Variants in CHCHD3 observed in about 807,000 individuals in gnomAD.
CHCHD3 encodes coiled-coil-helix-coiled-coil-helix domain containing 3, also known as MICOS complex subunit MIC19.
CHCHD3 carries 20 observed loss-of-function variants against 38.2 expected under a neutral mutation model. The ratio of observed to expected loss-of-function variants is 0.52; its 90% CI spans 0.37 to 0.76. The LOEUF (loss-of-function observed/expected upper bound fraction) is 0.76. Ranked by LOEUF, CHCHD3 falls within the 30% of genes least tolerant of loss-of-function variation. The pLI, the probability that CHCHD3 is intolerant of heterozygous loss-of-function variation, is 0.00. For synonymous variants in CHCHD3, 82 were observed against 100.0 expected (o/e 0.82, Z 1.07); for missense variants, 245 against 279.2 (o/e 0.88, Z 0.87).
Position 132,843,953 on chromosome 7 carries a change from A to G in CHCHD3, c.454-5484T>C, listed in dbSNP as rs373972830. ...AAATTTGTTAAGAGTAATTACTTAC[A>G]GTATATGGAATGGGGAAGAAATCCA... is the stretch of plus-strand genomic sequence containing the variant. On this transcript the variant is annotated intron_variant, in intron 5 of 7. Coordinates refer to ENST00000262570, the MANE Select transcript of CHCHD3 (RefSeq NM_017812.4). Among the ~76,000 whole-genome samples, 7 of 152,344 alleles carry G rather than the reference A, an allele frequency of 4.6e-5. No homozygotes were observed. The South Asian group carries it at 6.2e-4, about 14-fold the overall frequency.
At chr7:132,799,064 GA>G (rs1403444552) in intron 6 of CHCHD3, among the ~76,000 whole-genome samples, 1 of 149,432 alleles carries the variant, frequency 6.7e-6, no homozygotes, top group Non-Finnish European at 1.5e-5. Flanking sequence ...GTCATCCTCT[GA>G]AATTCTTTTT....
chr7:133,011,241 G>C (rs1812862772), intron 3 of CHCHD3, among the ~76,000 whole-genome samples: 1 of 152,198 alleles, frequency 6.6e-6, no homozygotes, highest in Non-Finnish European at 1.5e-5. Flanking sequence ...AAAAGGACTT[G>C]GACTTTATGC....
At chr7:132,889,321 G>T (rs534906046) in intron 4 of CHCHD3, among the ~76,000 whole-genome samples, 22 of 152,040 alleles carry the variant, frequency 1.4e-4, no homozygotes, top group African/African-American at 5.3e-4. Context: ...CACAAAGTGA[G>T]ATTTTTTAAA....
chr7:132,921,890 T>A (rs1477840273), intron 4 of CHCHD3, among the ~76,000 whole-genome samples: 1 of 152,208 alleles, frequency 6.6e-6, no homozygotes, highest in Non-Finnish European at 1.5e-5. Context: ...TCAGAGGACT[T>A]GAGAAATCCT....
chr7:132,899,816 T>A (rs1809618573), intron 4 of CHCHD3, among the ~76,000 whole-genome samples: 2 of 152,204 alleles, frequency 1.3e-5, no homozygotes, highest in Non-Finnish European at 2.9e-5. Flanking sequence ...ATAGGCTAAA[T>A]AATATCTAAG....
At chr7:133,007,729 T>C (rs1812738859) in intron 3 of CHCHD3, among the ~76,000 whole-genome samples, 3 of 152,174 alleles carry the variant, frequency 2.0e-5, no homozygotes, top group Admixed American at 2.0e-4. Context: ...ACTTTCTGAT[T>C]TTTAGCTTCC....
chr7:132,998,932 G>A (rs558233016), intron 3 of CHCHD3, among the ~76,000 whole-genome samples: 26 of 152,258 alleles, frequency 1.7e-4, no homozygotes, highest in African/African-American at 5.5e-4. Flanking sequence ...TGACAAATCA[G>A]TTAACTAATA....
chr7:132,885,555 T>G (rs1366335004), intron 5 of CHCHD3, 107 bp downstream of exon 5: 2 of 887,944 alleles, frequency 2.3e-6, no homozygotes, highest in African/African-American at 1.8e-5. Flanking sequence ...TCCTGGCCAC[T>G]TTACAACCAG....
At chr7:132,875,506 T>TC (rs1808873394) in intron 5 of CHCHD3, among the ~76,000 whole-genome samples, 1 of 152,176 alleles carries the variant, frequency 6.6e-6, no homozygotes, top group South Asian at 2.1e-4. Flanking sequence ...TCTAACCTAC[T>TC]AACTTTCCCC....
chr7:133,070,936 G>A (rs1356497504), intron 1 of CHCHD3, among the ~76,000 whole-genome samples: 1 of 152,192 alleles, frequency 6.6e-6, no homozygotes, highest in Non-Finnish European at 1.5e-5. Flanking sequence ...GTAAGGAGGA[G>A]TAAAAGATAG....
rs762985561 is a variant in CHCHD3 at position 132,838,397 on chromosome 7, A to C, written c.524+2T>G. 6.3e-7 allele frequency: 1 copy of C among 1,596,912 alleles called. No individual in the cohort carries two copies. The highest frequency in any genetic ancestry group is 1.7e-5 in the Admixed American group (1 of 59,896). ...ATAATTATAATACTATTAAAAACTT[A>C]CTTGAACTTTGCTTCCACCTCTTCA... On this transcript the variant is annotated splice_donor_variant, in intron 6 of 7. Coordinates refer to ENST00000262570, the MANE Select transcript of CHCHD3 (RefSeq NM_017812.4). LOFTEE classifies it high-confidence loss of function.
intron 3 of CHCHD3, among the ~76,000 whole-genome samples, chr7:133,012,619 GC>G (rs1345539184): frequency 2.6e-5 from 4 of 151,096 alleles, no homozygotes; most frequent in Admixed American, 1.3e-4. Context: ...CAAAAATTAG[GC>G]AGACATGGTG....
chr7:132,842,524 C>A (rs1042573390), intron 5 of CHCHD3, among the ~76,000 whole-genome samples: 1 of 152,134 alleles, frequency 6.6e-6, no homozygotes, highest in Non-Finnish European at 1.5e-5. Flanking sequence ...CACTAATGTT[C>A]GTTTTCTGTT....
chr7:132,983,505 C>G (rs950213022), intron 3 of CHCHD3, among the ~76,000 whole-genome samples: 4 of 152,166 alleles, frequency 2.6e-5, no homozygotes, highest in Non-Finnish European at 5.9e-5. Flanking sequence ...GCTATTGTAG[C>G]GAGCTCAGGA....
chr7:132,946,830 T>C (rs1015512692), intron 4 of CHCHD3, among the ~76,000 whole-genome samples: 5 of 151,900 alleles, frequency 3.3e-5, no homozygotes, highest in Non-Finnish European at 7.4e-5. Context: ...AGATAATGTT[T>C]TTAATCAGAA....
intron 2 of CHCHD3, among the ~76,000 whole-genome samples, chr7:133,046,420 T>C (rs1051638827): frequency 6.6e-6 from 1 of 152,238 alleles, no homozygotes; most frequent in African/African-American, 2.4e-5. Flanking sequence ...TTCCAAATAT[T>C]CATGCTCATC....
At chr7:132,908,024 G>A (rs752275651) in intron 4 of CHCHD3, among the ~76,000 whole-genome samples, 1 of 152,006 alleles carries the variant, frequency 6.6e-6, no homozygotes, top group Non-Finnish European at 1.5e-5. Context: ...AATCACCACC[G>A]AAACTAGGCA....
intron 5 of CHCHD3, among the ~76,000 whole-genome samples, chr7:132,841,045 C>T (rs570485670): frequency 4.9e-4 from 75 of 152,244 alleles, no homozygotes; most frequent in African/African-American, 1.7e-3. Context: ...ACCAGTTTCC[C>T]ATATTGCATA....
intron 3 of CHCHD3, among the ~76,000 whole-genome samples, chr7:133,021,128 C>G (rs977698374): frequency 6.6e-6 from 1 of 152,172 alleles, no homozygotes; most frequent in South Asian, 2.1e-4. Flanking sequence ...AATGCTCTCC[C>G]AGCTGAGAAC....
Sources: allele counts gnomAD v4.1 joint callset (sites outside exome capture counted in the v4.1 genomes callset), GRCh38; gene constraint gnomAD v4.1.1; transcripts MANE v1.5; gene names NCBI Gene and HGNC (gene_info 2026-07-23, HGNC 2026-07-21).